HSPA12A: variants seen among roughly 807,000 people sequenced by gnomAD.
The protein encoded by HSPA12A is heat shock 70 kDa protein 12A.
HSPA12A carries 28 observed loss-of-function variants against 69.2 expected under a neutral mutation model. The observed-to-expected ratio is 0.40, with a 90% CI of 0.30 to 0.55. HSPA12A has a LOEUF of 0.55. HSPA12A is among the 20% of genes least tolerant of loss of function. The probability of loss-of-function intolerance (pLI) is 0.38; values close to 1 mark genes in which losing one functional copy is unlikely to be tolerated. For synonymous variants in HSPA12A, 345 were observed against 370.5 expected (o/e 0.93, Z 0.79); for missense variants, 686 against 900.7 (o/e 0.76, Z 3.05).
intron 2 of HSPA12A, among the ~76,000 whole-genome samples, chr10:116,827,216 G>T (rs1845525147): frequency 6.6e-6 from 1 of 152,162 alleles, no homozygotes; most frequent in Non-Finnish European, 1.5e-5. Context: ...TTAAAAAAGG[G>T]ACATTTTGAC....
At chr10:116,767,440 C>T (rs1844104237) in intron 2 of HSPA12A, among the ~76,000 whole-genome samples, 5 of 152,176 alleles carry the variant, frequency 3.3e-5, no homozygotes, top group Admixed American at 1.3e-4. Flanking sequence ...TCATCCACCC[C>T]AGCTGCTGGG....
Position 116,823,631 on chromosome 10 carries a change from G to A in HSPA12A, c.91+11304C>T, listed in dbSNP as rs1228363981. ...GTCAATTGCTTTTTGACAAGGGGGTGAAGACAATTTAGTGGGGAAATAATA... is the reference window on the plus strand; with the variant it reads ...GTCAATTGCTTTTTGACAAGGGGGTAAAGACAATTTAGTGGGGAAATAATA... On this transcript the variant is annotated intron_variant, in intron 2 of 12. Coordinates refer to the HSPA12A transcript ENST00000635765. Among the ~76,000 whole-genome samples the A allele has an allele frequency of 2.0e-5, 3 of 152,172 alleles. No individual in the cohort carries two copies. The South Asian group carries it at 6.2e-4, about 32-fold the overall frequency.
At chr10:116,768,925 G>A (rs1265189801) in intron 2 of HSPA12A, among the ~76,000 whole-genome samples, 11 of 152,060 alleles carry the variant, frequency 7.2e-5, no homozygotes, top group Admixed American at 5.2e-4. Flanking sequence ...TCTGCTTCCT[G>A]GGACTGCCCT....
intron 2 of HSPA12A, among the ~76,000 whole-genome samples, chr10:116,788,964 C>A (rs1057376740): frequency 2.0e-5 from 3 of 150,752 alleles, no homozygotes; most frequent in African/African-American, 7.3e-5. Flanking sequence ...CTCCCGGGTT[C>A]AAGCAGTTCT....
At chr10:116,764,036 G>A (rs1323083977) in intron 2 of HSPA12A, among the ~76,000 whole-genome samples, 1 of 152,126 alleles carries the variant, frequency 6.6e-6, no homozygotes, top group East Asian at 1.9e-4. Context: ...CTACAAATGA[G>A]TTAATGTCAG....
intron 2 of HSPA12A, chr10:116,832,955 G>C (rs189818126): frequency 2.6e-5 from 4 of 152,270 alleles, no homozygotes; most frequent in African/African-American, 9.6e-5. Context: ...CAGAGGCAGC[G>C]GGTAGGAAAG....
rs1166307788 is a variant in HSPA12A at position 116,723,816 on chromosome 10, C to T, written c.41-16531G>A. On this transcript the variant is annotated intron_variant, in intron 1 of 11. Coordinates refer to ENST00000369209, the MANE Select transcript of HSPA12A (RefSeq NM_025015.3). The surrounding 1 kb of genome is among the most constrained non-coding windows in gnomAD (Gnocchi z 4.1). The stretch of plus-strand genomic sequence containing the variant: ...CCTTAGATCCCGGCTGCTTCCAGTA[C>T]CGAGCCACCTCCAAAGAGAAGGGCT... Among the ~76,000 whole-genome samples the T allele has an allele frequency of 6.6e-6, 1 of 152,194 alleles. No individual in the cohort carries two copies. The highest frequency in any genetic ancestry group is 2.4e-5 in the African/African-American group (1 of 41,458).
intron 2 of HSPA12A, among the ~76,000 whole-genome samples, chr10:116,805,064 C>T (rs1257548334): frequency 6.6e-6 from 1 of 152,110 alleles, no homozygotes; most frequent in East Asian, 1.9e-4. Flanking sequence ...CGCCTGTAAC[C>T]CCAGCACTTT....
At chr10:116,786,292 T>C (rs1170760041) in intron 2 of HSPA12A, among the ~76,000 whole-genome samples, 1 of 152,120 alleles carries the variant, frequency 6.6e-6, no homozygotes, top group African/African-American at 2.4e-5. Context: ...ATATTTTTGG[T>C]AATTTGGTGG....
At chr10:116,726,657 A>G (rs1039394521) in intron 1 of HSPA12A, among the ~76,000 whole-genome samples, 1 of 152,160 alleles carries the variant, frequency 6.6e-6, no homozygotes, top group African/African-American at 2.4e-5. Context: ...TCCTACCCTT[A>G]GCCTCTACCC....
chr10:116,742,256 C>T (rs2133070690), intron 1 of HSPA12A, among the ~76,000 whole-genome samples, 174 bp downstream of exon 1: 1 of 151,830 alleles, frequency 6.6e-6, no homozygotes, highest in South Asian at 2.1e-4. Context: ...TCCACCGGAC[C>T]CCGGCCCCCG....
chr10:116,741,281 C>A (rs1222483981), intron 1 of HSPA12A, among the ~76,000 whole-genome samples: 2 of 152,210 alleles, frequency 1.3e-5, no homozygotes, highest in East Asian at 3.9e-4. Flanking sequence ...GCCGCAGGCC[C>A]GACAGCAAGA....
At chr10:116,797,962 C>G (rs1394040791) in intron 2 of HSPA12A, among the ~76,000 whole-genome samples, 1 of 152,136 alleles carries the variant, frequency 6.6e-6, no homozygotes, top group Non-Finnish European at 1.5e-5. Flanking sequence ...GCAGAGGGCA[C>G]AGTTTGGGTA....
intron 1 of HSPA12A, among the ~76,000 whole-genome samples, chr10:116,717,279 A>G (rs1428782649): frequency 6.6e-6 from 1 of 152,164 alleles, no homozygotes; most frequent in Non-Finnish European, 1.5e-5. Context: ...AGTGCCACTA[A>G]GGCATCATCT....
intron 2 of HSPA12A, chr10:116,832,177 G>GT (rs35316482): frequency 0.066 from 9,981 of 150,970 alleles, 1,054 homozygotes; most frequent in African/African-American, 0.22. Flanking sequence ...TGTTTTTTTG[G>GT]TTTTTTTTTG....
chr10:116,777,378 C>T (rs545073304), intron 2 of HSPA12A, among the ~76,000 whole-genome samples: 3 of 152,368 alleles, frequency 2.0e-5, no homozygotes, highest in Admixed American at 2.0e-4. Context: ...TTTGCAAATT[C>T]TGCAGTTTTC....
At chr10:116,795,262 T>C (rs1844792918) in intron 2 of HSPA12A, among the ~76,000 whole-genome samples, 1 of 152,230 alleles carries the variant, frequency 6.6e-6, no homozygotes, top group Non-Finnish European at 1.5e-5. Context: ...GTACAGAGGA[T>C]GATTTTCAGT....
upstream of HSPA12A, among the ~76,000 whole-genome samples, chr10:116,742,840 C>T (rs1554887461): frequency 6.6e-6 from 1 of 151,938 alleles, no homozygotes; most frequent in Non-Finnish European, 1.5e-5. Context: ...GTGGCGCGCC[C>T]GGGGCTGCGC....
At chr10:116,842,238 C>A (rs1845813679) in intron 1 of HSPA12A, among the ~76,000 whole-genome samples, 4 of 152,130 alleles carry the variant, frequency 2.6e-5, no homozygotes, top group Admixed American at 2.6e-4. Context: ...TCTCAGGGGC[C>A]AGGAAGCAAA....
Sources: gnomAD v4.1 joint callset for allele counts (sites outside exome capture counted in the v4.1 genomes callset) on GRCh38, gnomAD v4.1.1 for gene constraint, Gnocchi (gnomAD v3.1) non-coding constraint, MANE v1.5 for transcripts, NCBI Gene and HGNC (gene_info 2026-07-23, HGNC 2026-07-21) for gene names.